The following CSF2RA variants were observed in gnomAD, a reference collection of about 807,000 sequenced individuals.
CSF2RA encodes the protein granulocyte-macrophage colony-stimulating factor receptor subunit alpha.
CSF2RA carries 42 observed loss-of-function variants against 51.6 expected under a neutral mutation model. The ratio of observed to expected loss-of-function variants is 0.81; its 90% CI spans 0.64 to 1.05. The LOEUF (loss-of-function observed/expected upper bound fraction) is 1.05, where lower values mean the gene tolerates loss of function less well. CSF2RA is among the 50% of genes least tolerant of loss of function. The pLI is 0.00. For synonymous variants in CSF2RA, 222 were observed against 193.0 expected, an observed-to-expected ratio of 1.15 and a Z score of -1.24; for missense variants, 530 against 501.1, an observed-to-expected ratio of 1.06 and a Z score of -0.55.
At chrX:1,324,618 A>G in the CSF2RA span, among the ~76,000 whole-genome samples, 1 of 151,890 alleles carries the variant, frequency 6.6e-6, no homozygotes, top group Admixed American at 6.6e-5. Context: ...CAAGAAAGGA[A>G]AGAAAGAAAA....
intron 3 of CSF2RA, among the ~76,000 whole-genome samples, chrX:1,283,192 T>A (rs866169383): frequency 1.2e-4 from 13 of 108,292 alleles, no homozygotes; most frequent in Admixed American, 3.9e-4. Flanking sequence ...CCTTCCTTCC[T>A]TCCCTCCCTT....
the CSF2RA span, among the ~76,000 whole-genome samples, chrX:1,318,167 T>TC: frequency 6.7e-6 from 1 of 149,498 alleles, no homozygotes; most frequent in Non-Finnish European, 1.5e-5. Flanking sequence ...TTTTTTTTTT[T>TC]AACTTTTTTT....
intron 12 of CSF2RA, among the ~76,000 whole-genome samples, chrX:1,306,296 A>G (rs1317558772): frequency 6.6e-6 from 1 of 151,894 alleles, no homozygotes; most frequent in Non-Finnish European, 1.5e-5. Flanking sequence ...GGAGAAGGAA[A>G]GAGAGAGACA....
At chrX:1,323,162 A>C in the CSF2RA span, among the ~76,000 whole-genome samples, 141 of 144,382 alleles carry the variant, frequency 9.8e-4, no homozygotes, top group African/African-American at 4.0e-3. Context: ...TACAATTATA[A>C]AATAAAATAA....
the CSF2RA span, among the ~76,000 whole-genome samples, chrX:1,321,162 A>T: frequency 6.6e-6 from 1 of 151,948 alleles, no homozygotes; most frequent in African/African-American, 2.4e-5. Context: ...GACCCATTCT[A>T]GTCCCTTTTA....
At chrX:1,269,489 G>A in intron 1 of CSF2RA, among the ~76,000 whole-genome samples, 1 of 151,968 alleles carries the variant, frequency 6.6e-6, no homozygotes, top group East Asian at 1.9e-4. Context: ...GCATGGTGGT[G>A]GCAGGCACCT....
the CSF2RA span, among the ~76,000 whole-genome samples, chrX:1,319,840 G>T: frequency 4.1e-5 from 6 of 148,104 alleles, no homozygotes; most frequent in Non-Finnish European, 7.5e-5. Flanking sequence ...TCACCCTCCC[G>T]AGTAGCTGGG....
intron 3 of CSF2RA, among the ~76,000 whole-genome samples, chrX:1,283,618 A>G (rs1255336009): frequency 1.4e-5 from 2 of 146,574 alleles, no homozygotes. Flanking sequence ...CCCAGGCTGG[A>G]GTGCAATGGC....
At chrX:1,316,027 C>CCAATAGACAG in the CSF2RA span, among the ~76,000 whole-genome samples, 24 of 106,612 alleles carry the variant, frequency 2.3e-4, no homozygotes, top group African/African-American at 6.8e-4. Context: ...TAGATAGATA[C>CCAATAGACAG]ATAGATAGAC....
intron 12 of CSF2RA, chrX:1,305,760 G>A: frequency 6.4e-7 from 1 of 1,551,648 alleles, no homozygotes; most frequent in Non-Finnish European, 8.7e-7. Flanking sequence ...AACTGAGGCA[G>A]GGTGGTGGTC....
At chrX:1,316,260 TGATAG>T in the CSF2RA span, among the ~76,000 whole-genome samples, 27 of 94,262 alleles carry the variant, frequency 2.9e-4, no homozygotes, top group South Asian at 8.8e-3. Context: ...ATTAGATAGA[TGATAG>T]ATAGATAGAT....
intron 2 of CSF2RA, among the ~76,000 whole-genome samples, chrX:1,281,513 C>T (rs1488767478): frequency 6.7e-6 from 1 of 149,184 alleles, no homozygotes; most frequent in African/African-American, 2.5e-5. Context: ...TCCTCCTTCT[C>T]TTCCTTCTCC....
rs1316517360 is a variant in CSF2RA at position 1,285,818 on chromosome X, G to A, written c.117G>A (p.Arg39=). The change falls in exon 4 of 13, where the codon AGG becomes AGA. Residue 39 remains arginine (R), a synonymous_variant. Transcript: ENST00000381529. The part of the protein sequence containing the change: ...TVAPASSLNV[R]FDSRTMNLSW... Reference sequence around the variant, plus strand: ...CACCAGCCTCTAGTCTCAATGTGAGGTTTGACTCCAGGACGATGAATTTAA... The same window carrying A: ...CACCAGCCTCTAGTCTCAATGTGAGATTTGACTCCAGGACGATGAATTTAA... The A allele has an allele frequency of 2.5e-6, 4 of 1,613,448 alleles. No individual in the cohort carries two copies. Among genetic ancestry groups the A allele is most frequent in the Non-Finnish European group, 3.4e-6 (4 of 1,179,810 alleles).
rs1444641891 is a variant in CSF2RA at position 1,309,907 on chromosome X, A to C, written c.*428A>C. ...CATCTCAAAACAAACAATAATAATA[A>C]ATAATAAAAACCTGATATTTGGCTG... On this transcript the variant is annotated 3_prime_UTR_variant, in exon 13 of 13. Transcript: ENST00000381529. 3.5e-6 allele frequency: 2 copies of C among 572,400 alleles called. No individual in the cohort carries two copies. The highest frequency in any genetic ancestry group is 1.9e-5 in the African/African-American group (1 of 53,500). 35.5% of individuals were successfully genotyped at this position (572,400 alleles called of 1,614,324 possible).
Position 1,294,328 on chromosome X carries a change from A to C in CSF2RA, c.647A>C (p.Glu216Ala). ...GGTGTGTCCTGCGCCCTCGTTACAGAACGATTCAACCCTCCCAGCAATGTC... is the reference window on the plus strand; with the variant it reads ...GGTGTGTCCTGCGCCCTCGTTACAGCACGATTCAACCCTCCCAGCAATGTC... Reference protein sequence around the residue: ...FDSLLDTKKIERFNPPSNVTV... With the variant: ...FDSLLDTKKIARFNPPSNVTV... Residue 216 changes from glutamate (E) to alanine (A), a missense_variant and splice_region_variant, in exon 8 of 13, where the codon GAA becomes GCA. Coordinates refer to ENST00000381529, the MANE Select transcript of CSF2RA (RefSeq NM_172245.4). 1 of 1,613,270 alleles carries C rather than the reference A, an allele frequency of 6.2e-7. No individual in the cohort carries two copies. The highest frequency in any genetic ancestry group is 8.5e-7 in the Non-Finnish European group (1 of 1,179,838).
downstream of CSF2RA, among the ~76,000 whole-genome samples, chrX:1,314,419 GCACC>G (rs2084370302): frequency 6.7e-6 from 1 of 149,808 alleles, no homozygotes; most frequent in African/African-American, 2.5e-5. Flanking sequence ...TAACCGTACT[GCACC>G]TGCCCAACCG....
rs781428288 is a variant in CSF2RA at position 1,287,600 on chromosome X, C to T, written c.220-919C>T. 2.0e-5 allele frequency among the ~76,000 whole-genome samples: 3 copies of T among 148,382 alleles called. No homozygotes were observed. In the South Asian group the frequency reaches 6.5e-4, roughly 32 times the overall value. On this transcript the variant is annotated intron_variant, in intron 4 of 12. Transcript: ENST00000381529. ...CTGGGATTACAGGTGCCCACCACCA[C>T]ACCTGGCTAATTTTTGTATTTTTAG...
At chrX:1,321,674 C>T in the CSF2RA span, among the ~76,000 whole-genome samples, 8 of 151,978 alleles carry the variant, frequency 5.3e-5, no homozygotes, top group Admixed American at 3.3e-4. Context: ...ATGCGAGCAA[C>T]GTGGAGCTAA....
intron 2 of CSF2RA, among the ~76,000 whole-genome samples, chrX:1,281,033 C>G (rs1288619835): frequency 1.2e-4 from 9 of 77,554 alleles, no homozygotes; most frequent in Non-Finnish European, 1.8e-4. Flanking sequence ...TTCTCCTCCT[C>G]CTCATTCTCC....
Sources: gnomAD v4.1 joint callset for allele counts (sites outside exome capture counted in the v4.1 genomes callset) on GRCh38, gnomAD v4.1.1 for gene constraint, MANE v1.5 for transcripts, NCBI Gene and HGNC (gene_info 2026-07-23, HGNC 2026-07-21) for gene names.